The following NRG1 variants were observed in gnomAD, a reference collection of about 807,000 sequenced individuals.
NRG1 encodes pro-neuregulin-1, membrane-bound isoform.
NRG1 carries 18 observed loss-of-function variants against 63.8 expected under a neutral mutation model. The observed-to-expected ratio is 0.28, with a 90% confidence interval of 0.19 to 0.42. The LOEUF (loss-of-function observed/expected upper bound fraction) is 0.42. Among genes scored for constraint, NRG1 ranks in the 10% least tolerant of loss-of-function variants. The pLI, the probability that NRG1 is intolerant of heterozygous loss-of-function variation, is 1.00. For missense variants in NRG1, 762 were observed against 814.7 expected (o/e 0.94, Z 0.79); for synonymous variants, 302 against 301.3 (o/e 1.00, Z -0.02).
chr8:32,471,629 G>GA (rs374356770), intron 1 of NRG1, among the ~76,000 whole-genome samples: 1 of 151,836 alleles, frequency 6.6e-6, no homozygotes, highest in Non-Finnish European at 1.5e-5. Context: ...TTTTTAAGGT[G>GA]AAAAAAATCC....
intron 1 of NRG1, among the ~76,000 whole-genome samples, chr8:32,020,756 C>T (rs114368147): frequency 0.016 from 2,450 of 152,210 alleles, 42 homozygotes; most frequent in Middle Eastern, 0.054. Context: ...TTTCAGAATA[C>T]CTTTGTATTT....
At chr8:31,912,300 T>C (rs1485947158) in intron 1 of NRG1, among the ~76,000 whole-genome samples, 3 of 152,142 alleles carry the variant, frequency 2.0e-5, no homozygotes, top group African/African-American at 4.8e-5. Context: ...TTGGTACAGA[T>C]CTATTTACTA....
At position 31,775,930 on chromosome 8, in the gene NRG1, C is replaced by T. The variant is rs537244530; in HGVS notation, c.37+136499C>T. On this transcript the variant is annotated intron_variant, in intron 1 of 10. Coordinates refer to the NRG1 transcript ENST00000519301. ...AAAAAATTCATACTTTACTAGTGGG[C>T]GATTATTGGAATATGAAGCATTTCA... Among the ~76,000 whole-genome samples, 9 of 145,812 alleles carry T rather than the reference C, an allele frequency of 6.2e-5. No homozygotes were observed. The East Asian group carries it at 1.5e-3, about 24-fold the overall frequency.
intron 1 of NRG1, among the ~76,000 whole-genome samples, chr8:32,230,158 A>G (rs920584247): frequency 1.3e-5 from 2 of 152,158 alleles, no homozygotes; most frequent in African/African-American, 4.8e-5. Context: ...TTCAACATTT[A>G]GCTGAGATTA....
chr8:32,358,422 T>C (rs1378537695), intron 1 of NRG1, among the ~76,000 whole-genome samples: 1 of 140,554 alleles, frequency 7.1e-6, no homozygotes, highest in Non-Finnish European at 1.5e-5. Context: ...TCTGTTATGA[T>C]AGGGAGAGGT....
At chr8:32,046,173 G>A (rs1345786200) in intron 1 of NRG1, among the ~76,000 whole-genome samples, 1 of 151,996 alleles carries the variant, frequency 6.6e-6, no homozygotes, top group Non-Finnish European at 1.5e-5. Context: ...TATGGGGAAG[G>A]TAATCAAACA....
chr8:32,631,874 G>A (rs1022278000), intron 5 of NRG1, among the ~76,000 whole-genome samples: 7 of 152,020 alleles, frequency 4.6e-5, no homozygotes, highest in East Asian at 3.9e-4. Flanking sequence ...CGCAGAATTC[G>A]CTGGCTTTTT....
chr8:31,943,970 A>T (rs959417980), intron 1 of NRG1, among the ~76,000 whole-genome samples: 1 of 152,170 alleles, frequency 6.6e-6, no homozygotes, highest in Non-Finnish European at 1.5e-5. Context: ...TATGACTATT[A>T]CTTGTTTATC....
In NRG1 at chr8:32,186,186, C is replaced by T. The variant is rs147512662; in HGVS notation, c.38-409642C>T. 8.4e-3 allele frequency among the ~76,000 whole-genome samples: 1,282 copies of T among 152,102 alleles called. 4 individuals are homozygous for T. Among genetic ancestry groups the T allele is most frequent in the Non-Finnish European group, 0.013 (859 of 67,954 alleles). On this transcript the variant is annotated intron_variant, in intron 1 of 10. Coordinates refer to the NRG1 transcript ENST00000519301. ...TCTCTTCTAAAATGAAACACAAGGCCGTGTGCGGTGGCTCACGCCTGTAAT... is the reference window on the plus strand; with the variant it reads ...TCTCTTCTAAAATGAAACACAAGGCTGTGTGCGGTGGCTCACGCCTGTAAT...
At chr8:32,412,759 TTG>T (rs1007098426) in intron 1 of NRG1, among the ~76,000 whole-genome samples, 2 of 152,020 alleles carry the variant, frequency 1.3e-5, no homozygotes, top group African/African-American at 4.8e-5. Flanking sequence ...TGACAAGTAT[TTG>T]TGTCTCTAAA....
At chr8:32,217,625 T>A (rs1052657598) in intron 1 of NRG1, among the ~76,000 whole-genome samples, 1 of 152,156 alleles carries the variant, frequency 6.6e-6, no homozygotes, top group Non-Finnish European at 1.5e-5. Flanking sequence ...AAATTACCAG[T>A]AGGGAAGAAA....
Position 32,742,682 on chromosome 8 carries a change from A to G in NRG1, c.640A>G (p.Asn214Asp). The G allele has an allele frequency of 6.2e-7, 1 of 1,613,612 alleles. No homozygotes were observed. Among genetic ancestry groups the G allele is most frequent in the East Asian group, 2.2e-5 (1 of 44,870 alleles). The change falls in exon 7 of 12, where the codon AAT becomes GAT. Residue 214 changes from asparagine (N) to aspartate (D), a missense_variant. Asn to Asp is a conservative substitution (Grantham distance 23). Around this residue, in one of 3 missense-constraint regions of NRG1, gnomAD observed 122 missense variants for 190.1 expected, o/e 0.64. Transcript: ENST00000356819. The surrounding 1 kb of genome is among the most constrained non-coding windows in gnomAD (Gnocchi z 4.2). ...TTTTGTTTCTTCTCTCAGGTGCCCA[A>G]ATGAGTTTACTGGTGATCGCTGCCA...
chr8:32,099,822 G>C (rs1830341307), intron 1 of NRG1: 1 of 152,190 alleles, frequency 6.6e-6, no homozygotes. Flanking sequence ...CTGATAAAAA[G>C]CATGAAGTTG....
chr8:31,894,095 C>T (rs1471714160), intron 1 of NRG1, among the ~76,000 whole-genome samples: 1 of 151,976 alleles, frequency 6.6e-6, no homozygotes, highest in Non-Finnish European at 1.5e-5. Flanking sequence ...CTGACAGATT[C>T]TGATATAGAT....
chr8:32,298,097 A>C (rs1230034551), intron 1 of NRG1, among the ~76,000 whole-genome samples: 1 of 152,270 alleles, frequency 6.6e-6, no homozygotes, highest in Admixed American at 6.5e-5. Context: ...AAAGAGCAAA[A>C]GAAACTATTA....
chr8:32,118,700 G>C (rs752583223), intron 1 of NRG1, among the ~76,000 whole-genome samples: 14 of 152,184 alleles, frequency 9.2e-5, no homozygotes, highest in Non-Finnish European at 1.6e-4. Flanking sequence ...CTTTAAATAA[G>C]ATTGATTATT....
At chr8:32,370,512 ACAT>A (rs1013359428) in intron 1 of NRG1, among the ~76,000 whole-genome samples, 3 of 152,128 alleles carry the variant, frequency 2.0e-5, no homozygotes, top group African/African-American at 7.2e-5. Flanking sequence ...GTACAAGCAG[ACAT>A]CATCAGTGTG....
chr8:31,680,991 G>T (rs1183300369), intron 1 of NRG1, among the ~76,000 whole-genome samples: 1 of 151,954 alleles, frequency 6.6e-6, no homozygotes, highest in Non-Finnish European at 1.5e-5. Context: ...GAAAATAATA[G>T]ATGATTTCAG....
chr8:32,545,702 T>C (rs1833001542), upstream of NRG1, among the ~76,000 whole-genome samples: 1 of 152,112 alleles, frequency 6.6e-6, no homozygotes, highest in South Asian at 2.1e-4. Flanking sequence ...AATAATGTAA[T>C]AAAACCCCTT....
Sources: gnomAD v4.1 joint callset for allele counts (sites outside exome capture counted in the v4.1 genomes callset) on GRCh38, gnomAD v4.1.1 for gene constraint, gnomAD v4.1.1 regional missense constraint, Gnocchi (gnomAD v3.1) non-coding constraint, MANE v1.5 for transcripts, NCBI Gene and HGNC (gene_info 2026-07-23, HGNC 2026-07-21) for gene names.